Variants in UGT1A10 observed in about 807,000 individuals in gnomAD.
UGT1A10 encodes the protein UDP-glucuronosyltransferase 1A10.
Under a neutral mutation model 45.8 loss-of-function variants are expected in UGT1A10, and 49 were observed. The observed-to-expected ratio is 1.07, with a 90% CI of 0.85 to 1.36. The LOEUF (loss-of-function observed/expected upper bound fraction) is 1.36. Ranked by LOEUF, UGT1A10 falls within the 40% of genes most tolerant of loss-of-function variation. The pLI is 0.00. For missense variants in UGT1A10, 745 were observed against 668.6 expected, an observed-to-expected ratio of 1.11 and a Z score of -1.26; for synonymous variants, 284 against 249.7, an observed-to-expected ratio of 1.14 and a Z score of -1.29.
chr2:233,732,561 G>A (rs1386480566), intron 1 of UGT1A10, among the ~76,000 whole-genome samples: 1 of 152,180 alleles, frequency 6.6e-6, no homozygotes, highest in African/African-American at 2.4e-5. Context: ...ATTAAATAAG[G>A]AATCCTTTCC....
intron 1 of UGT1A10, among the ~76,000 whole-genome samples, chr2:233,650,834 A>G (rs1334486528): frequency 6.6e-6 from 1 of 152,190 alleles, no homozygotes; most frequent in Admixed American, 6.5e-5. Context: ...GAAATTTGAA[A>G]TCCATGCTTA....
intron 1 of UGT1A10, among the ~76,000 whole-genome samples, chr2:233,714,489 G>A (rs1410675106): frequency 1.3e-5 from 2 of 152,138 alleles, no homozygotes; most frequent in East Asian, 3.9e-4. Flanking sequence ...TTCTTGTGAA[G>A]ACACTACTTA....
chr2:233,669,015 G>T (rs368809158), intron 1 of UGT1A10, among the ~76,000 whole-genome samples: 6 of 152,318 alleles, frequency 3.9e-5, no homozygotes, highest in African/African-American at 1.4e-4. Context: ...TAACACAGGG[G>T]TTATAGGTTT....
At chr2:233,648,403 C>A in intron 1 of UGT1A10, 2 of 239,480 alleles carry the variant, frequency 8.4e-6, no homozygotes, top group Admixed American at 4.1e-5. Flanking sequence ...TTCCTACAGT[C>A]CTAGATATGT....
intron 1 of UGT1A10, chr2:233,718,950 ATGCGGGAGGCCT>A (rs1337113701): frequency 6.2e-7 from 1 of 1,614,178 alleles, no homozygotes. Flanking sequence ...CTGGCTCAGC[ATGCGGGAGGCCT>A]TGCGGGAGCT....
chr2:233,661,623 T>TTTTCTTTCTTTA (rs2073965640), intron 1 of UGT1A10, among the ~76,000 whole-genome samples: 3 of 123,952 alleles, frequency 2.4e-5, no homozygotes, highest in African/African-American at 9.6e-5. Context: ...ACTTACTGAA[T>TTTTCTTTCTTTA]TTTCTTTCTT....
At chr2:233,649,261 T>A (rs1417847477) in intron 1 of UGT1A10, among the ~76,000 whole-genome samples, 2 of 152,224 alleles carry the variant, frequency 1.3e-5, no homozygotes, top group East Asian at 1.9e-4. Flanking sequence ...ACTGCATTTT[T>A]AAAATTTTGA....
chr2:233,710,719 T>A (rs1013193307), intron 1 of UGT1A10, among the ~76,000 whole-genome samples: 1 of 152,218 alleles, frequency 6.6e-6, no homozygotes, highest in Non-Finnish European at 1.5e-5. Flanking sequence ...TTTCATTTTT[T>A]AAAAAACAAC....
chr2:233,678,957 G>A (rs921540326), intron 1 of UGT1A10, among the ~76,000 whole-genome samples: 11 of 152,194 alleles, frequency 7.2e-5, no homozygotes, highest in Admixed American at 5.2e-4. Context: ...GAAATGTACT[G>A]TTTGGGGCTT....
chr2:233,761,024 A>T, intron 1 of UGT1A10: 1 of 1,614,070 alleles, frequency 6.2e-7, no homozygotes, highest in Non-Finnish European at 8.5e-7. Context: ...ACTGTCCAGG[A>T]CCTATTGAGC....
intron 1 of UGT1A10, among the ~76,000 whole-genome samples, chr2:233,640,108 A>G (rs1009314317): frequency 7.9e-5 from 12 of 152,342 alleles, no homozygotes; most frequent in Non-Finnish European, 1.2e-4. Flanking sequence ...GATTCTGGCT[A>G]TAGTCCAAGA....
At chr2:233,655,394 A>G (rs1469072648) in intron 1 of UGT1A10, among the ~76,000 whole-genome samples, 1 of 152,156 alleles carries the variant, frequency 6.6e-6, no homozygotes, top group East Asian at 1.9e-4. Flanking sequence ...AGGAGCAGGG[A>G]CAGCAGGTCA....
At chr2:233,712,198 C>T (rs1297266940) in intron 1 of UGT1A10, among the ~76,000 whole-genome samples, 1 of 152,186 alleles carries the variant, frequency 6.6e-6, no homozygotes, top group Non-Finnish European at 1.5e-5. Flanking sequence ...TCCCCCGGTC[C>T]CTTGGTGAGC....
chr2:233,710,187 G>T (rs760238092), intron 1 of UGT1A10, among the ~76,000 whole-genome samples: 10 of 152,152 alleles, frequency 6.6e-5, no homozygotes, highest in Non-Finnish European at 1.3e-4. Flanking sequence ...TGGACATGTG[G>T]ATAGTTTCCA....
intron 1 of UGT1A10, among the ~76,000 whole-genome samples, chr2:233,724,181 C>G (rs2077184625): frequency 7.7e-6 from 1 of 129,200 alleles, no homozygotes; most frequent in Non-Finnish European, 1.6e-5. Context: ...CATCTCCCTC[C>G]CGGACGGGGT....
At chr2:233,643,657 A>G (rs1461135706) in intron 1 of UGT1A10, among the ~76,000 whole-genome samples, 1 of 152,154 alleles carries the variant, frequency 6.6e-6, no homozygotes, top group African/African-American at 2.4e-5. Flanking sequence ...GAATGTGCTG[A>G]ATCTCACCTA....
rs566107268 is a variant in UGT1A10, at chr2:233,719,129, AG to A, written c.856-47904del. 2.1e-4 allele frequency: 332 copies of A among 1,614,276 alleles called. No individual in the cohort carries two copies. The Middle Eastern group carries it at 2.1e-3, about 10-fold the overall frequency. On this transcript the variant is annotated intron_variant, in intron 1 of 4. Coordinates refer to ENST00000344644, the MANE Select transcript of UGT1A10 (RefSeq NM_019075.4). ...GCTACACTCAAGGGTTCTTTGAAAC[AG>A]AACATCTTCTGAAGAGATATTCTAG... is the stretch of plus-strand genomic sequence containing the variant.
chr2:233,745,242 T>C (rs1693050473), intron 1 of UGT1A10, among the ~76,000 whole-genome samples: 11 of 151,840 alleles, frequency 7.2e-5, no homozygotes, highest in Admixed American at 7.2e-4. Context: ...CTATTTACTG[T>C]ATCGAAACCA....
chr2:233,754,024 C>G (rs763970261), intron 1 of UGT1A10, among the ~76,000 whole-genome samples: 2 of 152,198 alleles, frequency 1.3e-5, no homozygotes, highest in Non-Finnish European at 2.9e-5. Context: ...TGATAGGAAA[C>G]GAATGCATCC....
Sources: gnomAD v4.1 joint callset for allele counts (sites outside exome capture counted in the v4.1 genomes callset) on GRCh38, gnomAD v4.1.1 for gene constraint, MANE v1.5 for transcripts, NCBI Gene and HGNC (gene_info 2026-07-23, HGNC 2026-07-21) for gene names.